MAPK10: variants seen among roughly 807,000 people sequenced by gnomAD.
The protein encoded by MAPK10 is mitogen-activated protein kinase 10, also known as JNK3 alpha protein kinase.
A neutral mutation model predicts 59.3 loss-of-function variants in MAPK10; 25 were observed. That is an observed-to-expected ratio of 0.42 (90% CI 0.31 to 0.59). The LOEUF (loss-of-function observed/expected upper bound fraction) is 0.59. Ranked by LOEUF, MAPK10 falls within the 20% of genes least tolerant of loss-of-function variation. The pLI, the probability that MAPK10 is intolerant of heterozygous loss-of-function variation, is 0.15. For synonymous variants in MAPK10, 190 were observed against 200.5 expected, an observed-to-expected ratio of 0.95 and a Z score of 0.44; for missense variants, 351 against 568.9, an observed-to-expected ratio of 0.62 and a Z score of 3.90.
intron 1 of MAPK10, among the ~76,000 whole-genome samples, chr4:86,444,349 C>A (rs866886532): frequency 6.6e-6 from 1 of 151,938 alleles, no homozygotes; most frequent in Non-Finnish European, 1.5e-5. Flanking sequence ...ATAGTGCTGG[C>A]AGAACTGGAT....
chr4:86,223,813 A>G (rs1268312012), intron 2 of MAPK10, among the ~76,000 whole-genome samples: 20 of 152,232 alleles, frequency 1.3e-4, no homozygotes, highest in Admixed American at 1.3e-3. Context: ...TAACCACAGT[A>G]AAATCCCAAG....
intron 10 of MAPK10, among the ~76,000 whole-genome samples, chr4:86,067,285 G>T (rs1027947649): frequency 4.6e-5 from 7 of 152,142 alleles, no homozygotes; most frequent in Admixed American, 2.6e-4. Flanking sequence ...GGGACTAGAG[G>T]TGTGTGCCAC....
rs532998813 is a variant in MAPK10, at chr4:86,098,723, G to T, written c.731-128C>A. The T allele has an allele frequency of 2.7e-5, 21 of 766,372 alleles. No individual in the cohort carries two copies. In the South Asian group the frequency reaches 3.3e-4, roughly 12 times the overall value. The allele number at this position is 766,372 out of a possible 1,614,324, so 47.5% of individuals were successfully genotyped here. On this transcript the variant is annotated intron_variant, in intron 8 of 13. Coordinates refer to ENST00000641462, the MANE Select transcript of MAPK10 (RefSeq NM_138982.4). ...GTACAATTTTCACCTCCCACCAAAA[G>T]TTGGCCAAAATGTGAATTCAAACCA... is the stretch of plus-strand genomic sequence containing the variant.
chr4:86,480,019 A>C (rs1005346023), intron 1 of MAPK10, among the ~76,000 whole-genome samples: 13 of 151,914 alleles, frequency 8.6e-5, no homozygotes, highest in Non-Finnish European at 1.9e-4. Context: ...CAACACTTCA[A>C]CACTATTATG....
intron 1 of MAPK10, among the ~76,000 whole-genome samples, chr4:86,463,064 A>G (rs1041086709): frequency 6.6e-6 from 1 of 152,370 alleles, no homozygotes; most frequent in Non-Finnish European, 1.5e-5. Flanking sequence ...GAAAAAGGAC[A>G]CATAGCTCCA....
At chr4:86,314,802 A>G (rs2095744991) in intron 2 of MAPK10, among the ~76,000 whole-genome samples, 1 of 152,126 alleles carries the variant, frequency 6.6e-6, no homozygotes, top group African/African-American at 2.4e-5. Context: ...CTAGAGTGAT[A>G]AGGGAATATA....
chr4:86,586,199 T>A (rs1163952935), intron 1 of MAPK10, among the ~76,000 whole-genome samples: 3 of 152,204 alleles, frequency 2.0e-5, no homozygotes, highest in Non-Finnish European at 4.4e-5. Flanking sequence ...CCAAACTGAA[T>A]AGGCAGTTAC....
chr4:86,446,744 CTT>C (rs1472494194), intron 1 of MAPK10, among the ~76,000 whole-genome samples: 2 of 152,144 alleles, frequency 1.3e-5, no homozygotes, highest in African/African-American at 4.8e-5. Context: ...TTCTGTCAAA[CTT>C]TTAAATTTAG....
At chr4:86,232,208 A>G (rs2091648767) in intron 2 of MAPK10, among the ~76,000 whole-genome samples, 1 of 152,206 alleles carries the variant, frequency 6.6e-6, no homozygotes, top group South Asian at 2.1e-4. Context: ...AATTTGACCC[A>G]TATAGTTTGC....
chr4:86,554,984 T>C (rs1005757191), intron 1 of MAPK10, among the ~76,000 whole-genome samples: 2 of 152,266 alleles, frequency 1.3e-5, no homozygotes, highest in African/African-American at 2.4e-5. Context: ...AGATGCCCTT[T>C]CTTCCTCTTC....
chr4:86,277,630 AT>A lies in MAPK10; in HGVS notation c.-7+76899del, dbSNP rs2094627742. Reference sequence around the variant, plus strand: ...AGTAACTTTTTTTAAGTGTTAAGTTATATTTGCAAGCAAAGTTACACAGAGT... The same window carrying A: ...AGTAACTTTTTTTAAGTGTTAAGTTAATTTGCAAGCAAAGTTACACAGAGT... On this transcript the variant is annotated intron_variant, in intron 2 of 13. Transcript: ENST00000641462. 7.9e-5 allele frequency among the ~76,000 whole-genome samples: 12 copies of A among 152,310 alleles called. No homozygotes were observed. In the South Asian group the frequency reaches 2.5e-3, roughly 32 times the overall value.
chr4:86,335,680 A>G (rs1279573925), intron 2 of MAPK10, among the ~76,000 whole-genome samples: 1 of 152,146 alleles, frequency 6.6e-6, no homozygotes, highest in Non-Finnish European at 1.5e-5. Context: ...AAGAGGTTTA[A>G]TGGACTTACA....
At chr4:86,314,366 G>A (rs556173123) in intron 2 of MAPK10, among the ~76,000 whole-genome samples, 1 of 152,196 alleles carries the variant, frequency 6.6e-6, no homozygotes, top group African/African-American at 2.4e-5. Context: ...ATTGAACTAT[G>A]GGGACAGTTT....
chr4:86,580,343 A>G (rs895199965), intron 1 of MAPK10, among the ~76,000 whole-genome samples: 1 of 151,990 alleles, frequency 6.6e-6, no homozygotes, highest in African/African-American at 2.4e-5. Flanking sequence ...TACTAAACAT[A>G]CAAAAATTAG....
rs2044610709 is a variant in MAPK10 at position 86,056,700 on chromosome 4, C to T, written c.1110+7566G>A. Among the ~76,000 whole-genome samples, 2 of 149,882 alleles carry T rather than the reference C, an allele frequency of 1.3e-5. 1 individual carries two copies. The highest frequency in any genetic ancestry group is 3.0e-5 in the Non-Finnish European group (2 of 67,554). Reference sequence around the variant, plus strand: ...AATGAGAATAACTCCTTCCCATCATCCTCAGTCATGTGAACTATGCTCAAA... The same window carrying T: ...AATGAGAATAACTCCTTCCCATCATTCTCAGTCATGTGAACTATGCTCAAA... On this transcript the variant is annotated intron_variant, in intron 11 of 13. Coordinates refer to ENST00000641462, the MANE Select transcript of MAPK10 (RefSeq NM_138982.4).
At chr4:86,123,809 A>G (rs2059649142) in intron 4 of MAPK10, 1 of 152,084 alleles carries the variant, frequency 6.6e-6, no homozygotes, top group East Asian at 1.9e-4. Flanking sequence ...CATTCTATTC[A>G]ACTCCCAACT....
intron 2 of MAPK10, among the ~76,000 whole-genome samples, chr4:86,200,445 G>A (rs75784330): frequency 0.085 from 12,899 of 151,824 alleles, 1,213 homozygotes; most frequent in African/African-American, 0.23. Flanking sequence ...GGCTCTTTTT[G>A]CTCAGCAAAA....
At chr4:86,137,403 T>C (rs576778046) in intron 4 of MAPK10, among the ~76,000 whole-genome samples, 226 of 140,252 alleles carry the variant, frequency 1.6e-3, no homozygotes, top group Non-Finnish European at 2.6e-3. Context: ...CTCAACTACA[T>C]GGAAACTGAA....
chr4:86,096,147 T>C (rs1219452872), intron 9 of MAPK10, among the ~76,000 whole-genome samples: 1 of 151,614 alleles, frequency 6.6e-6, no homozygotes, highest in Non-Finnish European at 1.5e-5. Flanking sequence ...AAACCTTTAT[T>C]ATAATCTACA....
Sources: allele counts gnomAD v4.1 joint callset (sites outside exome capture counted in the v4.1 genomes callset), GRCh38; gene constraint gnomAD v4.1.1; transcripts MANE v1.5; gene names NCBI Gene and HGNC (gene_info 2026-07-23, HGNC 2026-07-21).